The following CFAP299 variants were observed in gnomAD, a reference collection of about 807,000 sequenced individuals.
CFAP299 encodes cilia- and flagella-associated protein 299.
In CFAP299, 21 loss-of-function variants were observed where a neutral mutation model predicts 27.0. That is an observed-to-expected ratio of 0.78 (90% CI 0.55 to 1.12). CFAP299 has a LOEUF of 1.12. CFAP299 is among the 50% of genes most tolerant of loss of function. The pLI, the probability that CFAP299 is intolerant of heterozygous loss-of-function variation, is 0.00. For missense variants in CFAP299, 310 were observed against 276.6 expected (o/e 1.12, Z -0.86); for synonymous variants, 104 against 98.1 (o/e 1.06, Z -0.36).
chr4:80,474,556 G>C (rs890271051), intron 2 of CFAP299, among the ~76,000 whole-genome samples: 1 of 152,148 alleles, frequency 6.6e-6, no homozygotes, highest in Admixed American at 6.6e-5. Flanking sequence ...CAGATACTTT[G>C]ATAAACAATT....
At chr4:80,776,465 T>C (rs923581074) in intron 3 of CFAP299, among the ~76,000 whole-genome samples, 3 of 152,122 alleles carry the variant, frequency 2.0e-5, no homozygotes, top group African/African-American at 4.8e-5. Context: ...CATGTCTTAA[T>C]CAGATTCTCA....
chr4:80,901,799 T>A (rs189783794), intron 4 of CFAP299, among the ~76,000 whole-genome samples: 1 of 152,248 alleles, frequency 6.6e-6, no homozygotes, highest in East Asian at 1.9e-4. Context: ...TAGAGACTTA[T>A]TAAGCCTAAA....
chr4:80,486,963 A>G (rs1323801270), intron 2 of CFAP299, among the ~76,000 whole-genome samples: 1 of 152,216 alleles, frequency 6.6e-6, no homozygotes, highest in African/African-American at 2.4e-5. Context: ...TCAAAGTGGG[A>G]GAAGACTTTT....
chr4:80,643,535 T>C (rs1257686110), intron 3 of CFAP299, among the ~76,000 whole-genome samples: 1 of 152,152 alleles, frequency 6.6e-6, no homozygotes, highest in Admixed American at 6.6e-5. Context: ...AGAATGATGA[T>C]GAAGTAGTCA....
At chr4:80,611,922 A>T (rs1738004191) in intron 3 of CFAP299, among the ~76,000 whole-genome samples, 1 of 152,088 alleles carries the variant, frequency 6.6e-6, no homozygotes, top group Admixed American at 6.6e-5. Context: ...GGCTTGATAT[A>T]CCTGATTATG....
intron 3 of CFAP299, among the ~76,000 whole-genome samples, chr4:80,668,832 T>G (rs1253744230): frequency 6.6e-6 from 1 of 152,126 alleles, no homozygotes; most frequent in Non-Finnish European, 1.5e-5. Context: ...ATTTTAGGAT[T>G]TTTTTCTACT....
At chr4:80,346,022 C>T (rs1199811241) in intron 1 of CFAP299, among the ~76,000 whole-genome samples, 1 of 152,154 alleles carries the variant, frequency 6.6e-6, no homozygotes, top group African/African-American at 2.4e-5. Context: ...TCTCTGATGA[C>T]CACTGATGAT....
intron 5 of CFAP299, among the ~76,000 whole-genome samples, chr4:80,959,220 C>G (rs1424845255): frequency 4.0e-5 from 6 of 151,868 alleles, no homozygotes; most frequent in Admixed American, 3.9e-4. Context: ...AATAATTTTA[C>G]AGAGGAAGAA....
intron 2 of CFAP299, among the ~76,000 whole-genome samples, chr4:80,454,483 T>C (rs1428979745): frequency 6.6e-6 from 1 of 152,148 alleles, no homozygotes; most frequent in African/African-American, 2.4e-5. Context: ...ATAGGAGTCC[T>C]TGGGCATGAG....
At chr4:80,546,241 A>G (rs1734221313) in intron 2 of CFAP299, among the ~76,000 whole-genome samples, 1 of 151,924 alleles carries the variant, frequency 6.6e-6, no homozygotes, top group South Asian at 2.1e-4. Flanking sequence ...AGACCCTACC[A>G]GAAGGCTTTT....
chr4:80,585,984 G>A (rs1156937427), intron 3 of CFAP299, among the ~76,000 whole-genome samples: 1 of 152,106 alleles, frequency 6.6e-6, no homozygotes, highest in East Asian at 1.9e-4. Context: ...TTTTAATAAT[G>A]GAAAGACATA....
intron 3 of CFAP299, among the ~76,000 whole-genome samples, chr4:80,724,410 TTAATTACTCATTTAAAAAA>T (rs1723024553): frequency 6.6e-6 from 1 of 152,046 alleles, no homozygotes; most frequent in South Asian, 2.1e-4. Context: ...GAGTAATTTT[TTAATTACTCATTTAAAAAA>T]TGATTACTCA....
chr4:80,513,356 T>A (rs1220998953), intron 2 of CFAP299, among the ~76,000 whole-genome samples: 1 of 152,134 alleles, frequency 6.6e-6, no homozygotes, highest in Admixed American at 6.6e-5. Context: ...CATTCTTACT[T>A]GTTTGCTGTA....
At chr4:80,852,253 G>A (rs1057127577) in intron 3 of CFAP299, among the ~76,000 whole-genome samples, 10 of 152,074 alleles carry the variant, frequency 6.6e-5, no homozygotes, top group South Asian at 2.1e-4. Context: ...CAGAATCAGC[G>A]TCATCTGAGA....
the CFAP299 span, among the ~76,000 whole-genome samples, chr4:80,323,184 C>T: frequency 6.6e-6 from 1 of 152,300 alleles, no homozygotes; most frequent in South Asian, 2.1e-4. Flanking sequence ...TCAATTGGTT[C>T]TGGACCAGGC....
chr4:80,843,406 G>A (rs1317855617), intron 3 of CFAP299, among the ~76,000 whole-genome samples: 1 of 152,046 alleles, frequency 6.6e-6, no homozygotes, highest in Admixed American at 6.6e-5. Flanking sequence ...CAAAGGACAT[G>A]AACTCATCCT....
At chr4:80,556,643 T>G (rs1334364081) in intron 2 of CFAP299, among the ~76,000 whole-genome samples, 1 of 151,980 alleles carries the variant, frequency 6.6e-6, no homozygotes, top group Non-Finnish European at 1.5e-5. Context: ...AAAGTTTAGT[T>G]TGAGGTCAAA....
intron 3 of CFAP299, among the ~76,000 whole-genome samples, chr4:80,859,100 T>C (rs1355347958): frequency 6.6e-6 from 1 of 152,202 alleles, no homozygotes; most frequent in Non-Finnish European, 1.5e-5. Flanking sequence ...GCTCCTGTAT[T>C]GGGTGCATAT....
At chr4:80,385,671 G>C (rs369043655) in intron 2 of CFAP299, among the ~76,000 whole-genome samples, 1 of 152,192 alleles carries the variant, frequency 6.6e-6, no homozygotes, top group South Asian at 2.1e-4. Flanking sequence ...CAGTCCAGCC[G>C]TGACAGTTGA....
Sources: allele counts gnomAD v4.1 joint callset (sites outside exome capture counted in the v4.1 genomes callset), GRCh38; gene constraint gnomAD v4.1.1; transcripts MANE v1.5; gene names NCBI Gene and HGNC (gene_info 2026-07-23, HGNC 2026-07-21).